The following JPT1 variants were observed in gnomAD, a reference collection of about 807,000 sequenced individuals.
JPT1 encodes the protein Jupiter microtubule associated homolog 1, also known as androgen-regulated protein 2.
JPT1 carries 5 observed loss-of-function variants against 17.0 expected under a neutral mutation model. The observed-to-expected ratio is 0.29, with a 90% CI of 0.15 to 0.62. The LOEUF is 0.62. JPT1 is among the 20% of genes least tolerant of loss of function. JPT1 has a pLI of 0.85. For missense variants in JPT1, 158 were observed against 188.1 expected (o/e 0.84, Z 0.94); for synonymous variants, 71 against 73.6 (o/e 0.96, Z 0.18).
intron 1 of JPT1, 148 bp downstream of exon 1, chr17:75,154,194 G>C (rs2145202633): frequency 4.6e-6 from 2 of 430,984 alleles, no homozygotes; most frequent in East Asian, 1.0e-4. Flanking sequence ...CACAAAGGCG[G>C]CGCCGACGGC....
intron 4 of JPT1, among the ~76,000 whole-genome samples, chr17:75,144,383 T>A (rs1291583982): frequency 6.6e-6 from 1 of 151,788 alleles, no homozygotes; most frequent in Non-Finnish European, 1.5e-5. Flanking sequence ...CATGGTGGCA[T>A]ACACCTGTAT....
intron 4 of JPT1, chr17:75,145,286 T>C (rs1048064471): frequency 2.0e-5 from 3 of 150,826 alleles, no homozygotes; most frequent in African/African-American, 4.9e-5. Flanking sequence ...AACATAAGGG[T>C]AGGAAAAGGC....
At chr17:75,141,516 G>GGTGGTGCATGCCT (rs1284793972) in intron 4 of JPT1, among the ~76,000 whole-genome samples, 1 of 151,772 alleles carries the variant, frequency 6.6e-6, no homozygotes, top group Non-Finnish European at 1.5e-5. Context: ...AGCTAGGCAT[G>GGTGGTGCATGCCT]GTGGTGCATG....
In JPT1 at chr17:75,136,282, T is replaced by A. The variant is rs567164659; in HGVS notation, c.317-32A>T. 1.8e-5 allele frequency: 27 copies of A among 1,521,592 alleles called. No homozygotes were observed. In the East Asian group the frequency reaches 5.7e-4, roughly 32 times the overall value. 94.3% of individuals were successfully genotyped at this position (1,521,592 alleles called of 1,614,324 possible). On this transcript the variant is annotated intron_variant, in intron 4 of 4. Transcript: ENST00000409753. ...AAACAGGGAATAGAAATAATACTCATAATGACAGCCATTTCCTGTTAAGAT... is the reference window on the plus strand; with the variant it reads ...AAACAGGGAATAGAAATAATACTCAAAATGACAGCCATTTCCTGTTAAGAT...
chr17:75,151,574 A>G (rs908659357), intron 1 of JPT1, among the ~76,000 whole-genome samples: 1 of 151,880 alleles, frequency 6.6e-6, no homozygotes. Context: ...AGGCAGAAGA[A>G]TCGCTTGAAC....
At chr17:75,136,282 T>C (rs567164659) in intron 4 of JPT1, 32 bp from the exon 5 acceptor site, 2 of 1,521,708 alleles carry the variant, frequency 1.3e-6, no homozygotes, top group South Asian at 1.3e-5. Context: ...ATAATACTCA[T>C]AATGACAGCC....
intron 1 of JPT1, among the ~76,000 whole-genome samples, chr17:75,152,458 G>A (rs1000299): frequency 0.035 from 5,362 of 152,240 alleles, 140 homozygotes; most frequent in Non-Finnish European, 0.053. Flanking sequence ...TATAGAAAAA[G>A]GGAAGGTAGA....
intron 4 of JPT1, among the ~76,000 whole-genome samples, chr17:75,143,863 T>A (rs576187327): frequency 6.6e-6 from 1 of 150,712 alleles, no homozygotes; most frequent in African/African-American, 2.4e-5. Flanking sequence ...CGAATCTCCA[T>A]CTCGAGAAAA....
chr17:75,142,792 A>T (rs1212510248), intron 4 of JPT1: 1 of 456,384 alleles, frequency 2.2e-6, no homozygotes, highest in Admixed American at 2.3e-5. Context: ...AACAGTACAA[A>T]TAGAACACAA....
intron 4 of JPT1, among the ~76,000 whole-genome samples, chr17:75,142,064 G>A (rs2074323357): frequency 6.6e-6 from 1 of 151,992 alleles, no homozygotes; most frequent in South Asian, 2.1e-4. Flanking sequence ...GCAAGGCTCT[G>A]TCTCGAAAAA....
intron 1 of JPT1, among the ~76,000 whole-genome samples, chr17:75,151,969 CAA>C (rs534793986): frequency 1.7e-4 from 20 of 116,872 alleles, no homozygotes; most frequent in Non-Finnish European, 1.8e-4. Context: ...AACTGCGTCT[CAA>C]AAAAAAAAAA....
At chr17:75,140,804 A>G (rs1178011526) in intron 4 of JPT1, among the ~76,000 whole-genome samples, 1 of 152,020 alleles carries the variant, frequency 6.6e-6, no homozygotes, top group Non-Finnish European at 1.5e-5. Flanking sequence ...AGAAACTACA[A>G]AAATTGGCCA....
At chr17:75,150,847 C>CTTTTTTTTTTTTTTTT (rs59267123) in intron 1 of JPT1, among the ~76,000 whole-genome samples, 3 of 65,958 alleles carry the variant, frequency 4.5e-5, no homozygotes, top group Non-Finnish European at 9.9e-5. Flanking sequence ...ATTTTTCTTT[C>CTTTTTTTTTTTTTTTT]TTTTTTTTTT....
chr17:75,147,517 G>C (rs370201147), intron 3 of JPT1, 39 bp downstream of exon 3: 5 of 1,370,430 alleles, frequency 3.6e-6, no homozygotes, highest in Non-Finnish European at 5.2e-6. Flanking sequence ...GAATCATATT[G>C]ACCTGAAAGC....
rs551588100 is a variant in JPT1 at position 75,140,277 on chromosome 17, T to TAA, written c.317-4029_317-4028dup. On this transcript the variant is annotated intron_variant, in intron 4 of 4. Transcript: ENST00000409753. The stretch of plus-strand genomic sequence containing the variant: ...AAGCTTTTGTCTGCTGAAGATAATT[T>TAA]AAAAAAAAAAAGGGCTTTAAATGAA... Among the ~76,000 whole-genome samples, 14 of 146,416 alleles carry TAA rather than the reference T, an allele frequency of 9.6e-5. No homozygotes were observed. In the East Asian group the frequency reaches 1.6e-3, roughly 17 times the overall value.
intron 1 of JPT1, chr17:75,153,826 G>A (rs1221516817): frequency 6.6e-6 from 1 of 152,228 alleles, no homozygotes; most frequent in Non-Finnish European, 1.5e-5. Context: ...GAGCCCGCCG[G>A]ACCTGATCGA....
chr17:75,143,024 G>A (rs1157030770), intron 4 of JPT1, among the ~76,000 whole-genome samples: 1 of 152,068 alleles, frequency 6.6e-6, no homozygotes, highest in Non-Finnish European at 1.5e-5. Context: ...GTGACCTCCT[G>A]TCCTCCTTTT....
At chr17:75,137,523 TTTTTG>T (rs1296475548) in intron 4 of JPT1, among the ~76,000 whole-genome samples, 1 of 140,990 alleles carries the variant, frequency 7.1e-6, no homozygotes, top group Non-Finnish European at 1.5e-5. Context: ...CAACTGGCTA[TTTTTG>T]TTTTTTTTTT....
intron 1 of JPT1, among the ~76,000 whole-genome samples, chr17:75,149,781 C>T (rs1303803750): frequency 1.3e-5 from 2 of 152,028 alleles, no homozygotes; most frequent in South Asian, 2.1e-4. Flanking sequence ...GAAGCTGAGG[C>T]AGGAGGATTG....
Sources: gnomAD v4.1 joint callset for allele counts (sites outside exome capture counted in the v4.1 genomes callset) on GRCh38, gnomAD v4.1.1 for gene constraint, MANE v1.5 for transcripts, NCBI Gene and HGNC (gene_info 2026-07-23, HGNC 2026-07-21) for gene names.